The following CCDC7 variants were observed in gnomAD, a reference collection of about 807,000 sequenced individuals.
The protein encoded by CCDC7 is coiled-coil domain-containing protein 7.
Under a neutral mutation model 196.9 loss-of-function variants are expected in CCDC7, and 183 were observed. The ratio of observed to expected loss-of-function variants is 0.93; its 90% CI spans 0.82 to 1.05. The LOEUF (loss-of-function observed/expected upper bound fraction) is 1.05, where lower values mean the gene tolerates loss of function less well. CCDC7 is among the 50% of genes least tolerant of loss of function. The pLI, the probability that CCDC7 is intolerant of heterozygous loss-of-function variation, is 0.00. For missense variants in CCDC7, 1,540 were observed against 1,482.2 expected (o/e 1.04, Z -0.64); for synonymous variants, 525 against 484.6 (o/e 1.08, Z -1.10).
chr10:32,527,392 T>A (rs779149378), intron 11 of CCDC7, among the ~76,000 whole-genome samples: 1 of 149,982 alleles, frequency 6.7e-6, no homozygotes, highest in Non-Finnish European at 1.5e-5. Flanking sequence ...GCTCACCTGA[T>A]TTTTGGTTCT....
intron 15 of CCDC7, among the ~76,000 whole-genome samples, chr10:32,571,006 C>CTTTTT (rs376971167): frequency 3.0e-5 from 4 of 131,404 alleles, no homozygotes; most frequent in Admixed American, 8.0e-5. Flanking sequence ...GGTCACTGGC[C>CTTTTT]TTTTTTTTTT....
At chr10:32,849,082 G>C (rs2093429772) in intron 39 of CCDC7, among the ~76,000 whole-genome samples, 1 of 147,826 alleles carries the variant, frequency 6.8e-6, no homozygotes, top group Admixed American at 6.7e-5. Flanking sequence ...TCTTCTGTGT[G>C]TAAGTATCTG....
At chr10:32,619,331 A>G (rs1442442900) in intron 18 of CCDC7, among the ~76,000 whole-genome samples, 1 of 152,124 alleles carries the variant, frequency 6.6e-6, no homozygotes, top group Admixed American at 6.5e-5. Flanking sequence ...AATTCAACAA[A>G]ATGGTAGGAT....
chr10:32,452,159 T>C (rs111568932), intron 1 of CCDC7, among the ~76,000 whole-genome samples: 2,627 of 152,320 alleles, frequency 0.017, 36 homozygotes, highest in South Asian at 0.038. Flanking sequence ...ACAACACATA[T>C]GAAATGTCTG....
At chr10:32,763,783 A>C (rs2077830510) in intron 28 of CCDC7, among the ~76,000 whole-genome samples, 1 of 151,778 alleles carries the variant, frequency 6.6e-6, no homozygotes, top group African/African-American at 2.4e-5. Context: ...ATATTCATAG[A>C]AGTGGAAGGT....
At chr10:32,456,197 A>G (rs1406146279) in intron 2 of CCDC7, 54 bp from the exon 4 acceptor site, 2 of 1,371,894 alleles carry the variant, frequency 1.5e-6, no homozygotes, top group Non-Finnish European at 1.9e-6. Context: ...AAAAAGACAG[A>G]CATGCATATG....
At chr10:32,587,691 A>G (rs2059415893) in intron 18 of CCDC7, among the ~76,000 whole-genome samples, 1 of 152,184 alleles carries the variant, frequency 6.6e-6, no homozygotes, top group African/African-American at 2.4e-5. Context: ...GTATATATGA[A>G]TCATCTGTGA....
At chr10:32,866,547 A>G (rs986216732) in intron 41 of CCDC7, among the ~76,000 whole-genome samples, 2 of 151,774 alleles carry the variant, frequency 1.3e-5, no homozygotes, top group Non-Finnish European at 2.9e-5. Context: ...TAATAGTACC[A>G]ATGGATTATA....
intron 31 of CCDC7, among the ~76,000 whole-genome samples, chr10:32,815,259 C>A (rs987546777): frequency 6.6e-6 from 1 of 151,978 alleles, no homozygotes; most frequent in Non-Finnish European, 1.5e-5. Flanking sequence ...TTGTGAGAGT[C>A]CTACACGTTA....
chr10:32,757,759 G>A (rs1411507383), intron 28 of CCDC7, among the ~76,000 whole-genome samples: 1 of 152,100 alleles, frequency 6.6e-6, no homozygotes, highest in East Asian at 1.9e-4. Flanking sequence ...GATCAGAGCA[G>A]AACTGAAGGA....
At chr10:32,531,661 G>T (rs1379871165) in intron 11 of CCDC7, among the ~76,000 whole-genome samples, 3 of 152,128 alleles carry the variant, frequency 2.0e-5, no homozygotes. Flanking sequence ...GTAAAATCCA[G>T]CAGTGAAACC....
At chr10:32,672,776 T>C (rs945494540) in intron 21 of CCDC7, among the ~76,000 whole-genome samples, 8 of 152,156 alleles carry the variant, frequency 5.3e-5, no homozygotes, top group African/African-American at 1.9e-4. Flanking sequence ...CCAGAGATCC[T>C]TTCTACTTGG....
intron 28 of CCDC7, among the ~76,000 whole-genome samples, chr10:32,765,770 G>T (rs765718331): frequency 6.6e-6 from 1 of 151,970 alleles, no homozygotes; most frequent in Non-Finnish European, 1.5e-5. Context: ...TAAATAGATG[G>T]TGATTCTAAT....
At chr10:32,612,693 G>T (rs187072033) in intron 18 of CCDC7, among the ~76,000 whole-genome samples, 1 of 151,980 alleles carries the variant, frequency 6.6e-6, no homozygotes. Context: ...TTTGTCACTG[G>T]TTCTGTTTAT....
intron 8 of CCDC7, among the ~76,000 whole-genome samples, chr10:32,477,659 C>T (rs1022534169): frequency 2.6e-5 from 4 of 151,566 alleles, no homozygotes; most frequent in Admixed American, 6.6e-5. Context: ...AGATCAGTTG[C>T]GTATATTTGT....
chr10:32,659,224 G>C (rs2070693457), intron 20 of CCDC7, among the ~76,000 whole-genome samples: 2 of 151,960 alleles, frequency 1.3e-5, no homozygotes, highest in African/African-American at 2.4e-5. Context: ...GTTTTGTTAT[G>C]TTGTGTTTCC....
At chr10:32,759,122 T>C (rs1281583553) in intron 28 of CCDC7, among the ~76,000 whole-genome samples, 1 of 152,202 alleles carries the variant, frequency 6.6e-6, no homozygotes, top group Non-Finnish European at 1.5e-5. Flanking sequence ...GAACATTCCA[T>C]GCTCATGGAT....
intron 13 of CCDC7, among the ~76,000 whole-genome samples, chr10:32,547,930 A>G (rs2052751425): frequency 6.6e-6 from 1 of 152,088 alleles, no homozygotes; most frequent in Non-Finnish European, 1.5e-5. Context: ...GTAGTCTTTT[A>G]TCCCTCGCCC....
chr10:32,455,279 ATATTTATT>A (rs72086158), intron 2 of CCDC7, among the ~76,000 whole-genome samples: 5 of 146,866 alleles, frequency 3.4e-5, no homozygotes, highest in African/African-American at 1.2e-4. Context: ...GCCTCTCAGC[ATATTTATT>A]TATTTATTTA....
Sources: allele counts gnomAD v4.1 joint callset (sites outside exome capture counted in the v4.1 genomes callset), GRCh38; gene constraint gnomAD v4.1.1; transcripts MANE v1.5; gene names NCBI Gene and HGNC (gene_info 2026-07-23, HGNC 2026-07-21).